The following ZNF676 variants were observed in gnomAD, a reference collection of about 807,000 sequenced individuals.
ZNF676 encodes the protein zinc finger protein 676.
Under a neutral mutation model 6.0 loss-of-function variants are expected in ZNF676, and 4 were observed. The ratio of observed to expected loss-of-function variants is 0.67; its 90% CI spans 0.33 to 1.53. The LOEUF (loss-of-function observed/expected upper bound fraction) is 1.53, where lower values mean the gene tolerates loss of function less well. Among genes scored for constraint, ZNF676 ranks in the 40% most tolerant of loss-of-function variants. ZNF676 has a pLI of 0.06. For synonymous variants in ZNF676, 198 were observed against 223.1 expected (o/e 0.89, Z 1.00); for missense variants, 644 against 679.7 (o/e 0.95, Z 0.58).
At chr19:22,224,323 T>C in the ZNF676 span, among the ~76,000 whole-genome samples, 1 of 150,478 alleles carries the variant, frequency 6.6e-6, no homozygotes, top group East Asian at 1.9e-4. Context: ...TGCAATTCTG[T>C]TTGTACACTT....
intron 1 of ZNF676, among the ~76,000 whole-genome samples, chr19:22,212,602 G>A (rs2024140688): frequency 6.6e-6 from 1 of 152,116 alleles, no homozygotes; most frequent in African/African-American, 2.4e-5. Flanking sequence ...CTGCTTGGGA[G>A]GCTGAGGCAT....
At chr19:22,251,001 T>C in the ZNF676 span, among the ~76,000 whole-genome samples, 12 of 152,276 alleles carry the variant, frequency 7.9e-5, no homozygotes, top group South Asian at 1.0e-3. Context: ...TGTGAGCCAC[T>C]ATGCCTGGCC....
At chr19:22,253,775 C>A in the ZNF676 span, among the ~76,000 whole-genome samples, 3 of 151,980 alleles carry the variant, frequency 2.0e-5, no homozygotes, top group African/African-American at 7.3e-5. Flanking sequence ...GGGGTCTGTC[C>A]ATCTGTGAGG....
At chr19:22,193,816 TAC>T (rs1219243630) in intron 1 of ZNF676, among the ~76,000 whole-genome samples, 1 of 152,164 alleles carries the variant, frequency 6.6e-6, no homozygotes, top group Admixed American at 6.5e-5. Context: ...CACACTCCTG[TAC>T]AGTTTAAATT....
the ZNF676 span, among the ~76,000 whole-genome samples, chr19:22,235,952 A>G: frequency 2.0e-5 from 3 of 149,902 alleles, no homozygotes; most frequent in African/African-American, 4.9e-5. Context: ...TACATCTAGT[A>G]TGGCAGCTGC....
chr19:22,186,584 T>A (rs529589047), intron 2 of ZNF676, among the ~76,000 whole-genome samples: 2 of 152,294 alleles, frequency 1.3e-5, no homozygotes, highest in Admixed American at 6.5e-5. Flanking sequence ...AGACACAGAC[T>A]GGCAAATTGA....
the ZNF676 span, among the ~76,000 whole-genome samples, chr19:22,259,542 G>A: frequency 6.6e-6 from 1 of 152,184 alleles, no homozygotes; most frequent in African/African-American, 2.4e-5. Context: ...GGACCCATGG[G>A]TAAATGATTC....
the ZNF676 span, among the ~76,000 whole-genome samples, chr19:22,235,016 G>GA: frequency 1.3e-5 from 1 of 78,828 alleles, no homozygotes; most frequent in South Asian, 4.8e-4. Flanking sequence ...AAGAAAGAAA[G>GA]AAAGAAAGAA....
the ZNF676 span, among the ~76,000 whole-genome samples, chr19:22,231,530 T>G: frequency 0.011 from 1,166 of 105,172 alleles, 29 homozygotes; most frequent in African/African-American, 0.047. Flanking sequence ...GCAAGATGGA[T>G]GTAGATATTC....
the ZNF676 span, chr19:22,244,846 A>G: frequency 6.6e-6 from 1 of 152,272 alleles, no homozygotes; most frequent in Non-Finnish European, 1.5e-5. Flanking sequence ...CGGTCCAGCT[A>G]CATGTCACAA....
At chr19:22,213,446 A>C (rs2024151068) in intron 1 of ZNF676, among the ~76,000 whole-genome samples, 1 of 152,188 alleles carries the variant, frequency 6.6e-6, no homozygotes, top group African/African-American at 2.4e-5. Flanking sequence ...TAATACCTCA[A>C]GGGGTTAGCT....
chr19:22,190,647 A>ATATACATAGAATTCTATG (rs2023892315), intron 2 of ZNF676, among the ~76,000 whole-genome samples: 17 of 107,154 alleles, frequency 1.6e-4, no homozygotes, highest in Non-Finnish European at 2.2e-4. Context: ...ATATATATAT[A>ATATACATAGAATTCTATG]TATATATATA....
chr19:22,211,771 A>G (rs1377860805), intron 1 of ZNF676, among the ~76,000 whole-genome samples: 6 of 152,186 alleles, frequency 3.9e-5, no homozygotes, highest in Non-Finnish European at 8.8e-5. Flanking sequence ...TATGTAACTC[A>G]CCAATTATCT....
chr19:22,248,581 G>T, the ZNF676 span, among the ~76,000 whole-genome samples: 1 of 152,212 alleles, frequency 6.6e-6, no homozygotes, highest in East Asian at 1.9e-4. Context: ...ATTTCTCAGT[G>T]CCGCTGCAAT....
the ZNF676 span, among the ~76,000 whole-genome samples, chr19:22,221,070 A>T: frequency 6.6e-6 from 1 of 151,840 alleles, no homozygotes; most frequent in African/African-American, 2.4e-5. Context: ...AAATTTATTT[A>T]GTTCTTCTCT....
intron 1 of ZNF676, among the ~76,000 whole-genome samples, chr19:22,215,053 A>C (rs564862240): frequency 2.9e-4 from 25 of 85,090 alleles, no homozygotes; most frequent in South Asian, 1.3e-3. Flanking sequence ...AAAAAAAAAA[A>C]AAAAAAACAA....
At chr19:22,246,251 C>A in the ZNF676 span, among the ~76,000 whole-genome samples, 1 of 152,050 alleles carries the variant, frequency 6.6e-6, no homozygotes, top group Non-Finnish European at 1.5e-5. Flanking sequence ...GGTTTTAGAC[C>A]CAGTTATTTG....
At chr19:22,214,275 T>A (rs144714494) in intron 1 of ZNF676, among the ~76,000 whole-genome samples, 2,731 of 152,290 alleles carry the variant, frequency 0.018, 47 homozygotes, top group Middle Eastern at 0.034. Context: ...ATTAAGTGGC[T>A]GGCAGTTAGA....
At chr19:22,184,865 A>C (rs2023813182) in intron 2 of ZNF676, among the ~76,000 whole-genome samples, 1 of 146,576 alleles carries the variant, frequency 6.8e-6, no homozygotes, top group Non-Finnish European at 1.5e-5. Context: ...CAGCAGCCAC[A>C]GTCGGGGGCA....
Sources: allele counts gnomAD v4.1 joint callset (sites outside exome capture counted in the v4.1 genomes callset), GRCh38; gene constraint gnomAD v4.1.1; transcripts MANE v1.5; gene names NCBI Gene and HGNC (gene_info 2026-07-23, HGNC 2026-07-21).